The following RTF1 variants were observed in gnomAD, a reference collection of about 807,000 sequenced individuals.
RTF1 encodes RNA polymerase-associated protein RTF1 homolog.
Under a neutral mutation model 95.7 loss-of-function variants are expected in RTF1, and 10 were observed. The ratio of observed to expected loss-of-function variants is 0.10; its 90% CI spans 0.06 to 0.18. The LOEUF (loss-of-function observed/expected upper bound fraction) is 0.18. RTF1 is among the 10% of genes least tolerant of loss of function. The pLI is 1.00. For missense variants in RTF1, 458 were observed against 875.6 expected, an observed-to-expected ratio of 0.52 and a Z score of 6.02; for synonymous variants, 305 against 311.8, an observed-to-expected ratio of 0.98 and a Z score of 0.23.
At chr15:41,445,209 A>G (rs1413291514) in intron 2 of RTF1, among the ~76,000 whole-genome samples, 10 of 152,326 alleles carry the variant, frequency 6.6e-5, no homozygotes. Context: ...TGCTGGGATT[A>G]CAGGCGTGAG....
chr15:41,435,304 TAGTATATTAGAAA>T (rs2050696265), intron 1 of RTF1, among the ~76,000 whole-genome samples: 2 of 152,066 alleles, frequency 1.3e-5, no homozygotes, highest in South Asian at 2.1e-4. Context: ...CTATATGTGT[TAGTATATTAGAAA>T]AGTATATTAG....
Position 41,478,535 on chromosome 15 carries a change from C to T in RTF1, c.1741-13C>T. ...TGGAGGTGCAGTTCTGTGGTGCATG[C>T]TTTCTGTTTCAGGCTGAAAGTCACA... On this transcript the variant is annotated splice_polypyrimidine_tract_variant and intron_variant, in intron 14 of 17. Transcript: ENST00000389629. 1 of 1,610,994 alleles carries T rather than the reference C, an allele frequency of 6.2e-7. No individual in the cohort carries two copies. Among genetic ancestry groups the T allele is most frequent in the Non-Finnish European group, 8.5e-7 (1 of 1,178,764 alleles).
chr15:41,447,642 G>T (rs1008112225), intron 2 of RTF1, among the ~76,000 whole-genome samples: 13 of 152,156 alleles, frequency 8.5e-5, no homozygotes, highest in African/African-American at 2.9e-4. Context: ...TTGCATACAT[G>T]TACACCTAGG....
Position 41,475,743 on chromosome 15 carries a change from T to C in RTF1, c.1406T>C (p.Leu469Pro). The change falls in exon 11 of 18, where the codon CTA becomes CCA. Residue 469 changes from leucine to proline, a missense_variant. By Grantham distance (98) the Leu-to-Pro change is moderately conservative (BLOSUM62 -3). Transcript: ENST00000389629. ...TCTGCTGGCATGCAGTTGCCCACTC[T>C]AGATGAAATCAATAAAAAGGAATTA... ...MFSAGMQLPTLDEINKKELSI... is the reference protein window; with the variant it reads ...MFSAGMQLPTPDEINKKELSI... 6.2e-7 allele frequency: 1 copy of C among 1,610,048 alleles called. No individual in the cohort carries two copies. The highest frequency in any genetic ancestry group is 8.5e-7 in the Non-Finnish European group (1 of 1,176,640).
chr15:41,432,966 A>G (rs2050682966), intron 1 of RTF1, among the ~76,000 whole-genome samples: 1 of 148,930 alleles, frequency 6.7e-6, no homozygotes, highest in African/African-American at 2.5e-5. Flanking sequence ...AAACAGGCAT[A>G]CTGAGGTCGG....
intron 8 of RTF1, among the ~76,000 whole-genome samples, chr15:41,473,922 G>A (rs747464651): frequency 6.6e-5 from 10 of 151,962 alleles, no homozygotes; most frequent in South Asian, 2.1e-4. Flanking sequence ...CTGTAGTCCC[G>A]GCTACTTGGG....
intron 3 of RTF1, among the ~76,000 whole-genome samples, chr15:41,453,855 AT>A (rs1460162071): frequency 6.6e-6 from 1 of 152,330 alleles, no homozygotes; most frequent in African/African-American, 2.4e-5. Flanking sequence ...ATTTTTAAAA[AT>A]AATGTTTACA....
intron 5 of RTF1, among the ~76,000 whole-genome samples, chr15:41,465,374 C>T (rs2050875620): frequency 6.6e-6 from 1 of 152,168 alleles, no homozygotes; most frequent in Admixed American, 6.5e-5. Flanking sequence ...ACTGCAGTGA[C>T]TCACATGTGT....
Position 41,446,557 on chromosome 15 carries a change from C to CA in RTF1, c.310-6332dup, listed in dbSNP as rs934068146. Among the ~76,000 whole-genome samples, 147 of 128,884 alleles carry CA rather than the reference C, an allele frequency of 1.1e-3. No individual in the cohort carries two copies. In the East Asian group the frequency reaches 0.021, roughly 19 times the overall value. The allele number at this position is 128,884 out of a possible 152,430, so 84.6% of individuals were successfully genotyped here. On this transcript the variant is annotated intron_variant, in intron 2 of 17. Coordinates refer to ENST00000389629, the MANE Select transcript of RTF1 (RefSeq NM_015138.5). The stretch of plus-strand genomic sequence containing the variant: ...TGGGCAACAGAGCAAGACTCCGTCT[C>CA]AAAAAAAAAAAATTATTTTCATAAA...
At position 41,481,312 on chromosome 15, in the gene RTF1, T is replaced by A. The variant is rs1427717679; in HGVS notation, c.*625T>A. 2 of 152,666 alleles carry A rather than the reference T, an allele frequency of 1.3e-5. No individual in the cohort carries two copies. Among genetic ancestry groups the A allele is most frequent in the East Asian group, 1.9e-4 (1 of 5,196 alleles). 9.5% of individuals were successfully genotyped at this position (152,666 alleles called of 1,614,324 possible). On this transcript the variant is annotated 3_prime_UTR_variant, in exon 18 of 18. Coordinates refer to ENST00000389629, the MANE Select transcript of RTF1 (RefSeq NM_015138.5). ...GTGTGTGTAAGTGTGTGGATTTTTT[T>A]ATCATTTTTTTAAAATGCAGTACTC...
intron 1 of RTF1, among the ~76,000 whole-genome samples, chr15:41,426,328 TAG>T (rs1358415058): frequency 4.0e-5 from 6 of 151,120 alleles, no homozygotes; most frequent in African/African-American, 1.2e-4. Context: ...TTTTTTGGGA[TAG>T]AGTCTCGCTC....
chr15:41,431,463 C>T (rs1418692017), intron 1 of RTF1, among the ~76,000 whole-genome samples: 1 of 152,238 alleles, frequency 6.6e-6, no homozygotes, highest in African/African-American at 2.4e-5. Context: ...GATCCACCTG[C>T]CTCGGCCTCC....
intron 1 of RTF1, among the ~76,000 whole-genome samples, chr15:41,429,812 C>T (rs1449683664): frequency 6.6e-6 from 1 of 151,918 alleles, no homozygotes; most frequent in African/African-American, 2.4e-5. Flanking sequence ...TCTAACCACC[C>T]TACTGCAGAT....
intron 2 of RTF1, among the ~76,000 whole-genome samples, chr15:41,445,682 C>T (rs1398174947): frequency 1.3e-5 from 2 of 151,556 alleles, no homozygotes; most frequent in East Asian, 1.9e-4. Flanking sequence ...TTTACTGCCT[C>T]CTGTCAGTTG....
At chr15:41,478,439 A>AG in intron 14 of RTF1, 109 bp from the exon 15 acceptor site, 1 of 758,304 alleles carries the variant, frequency 1.3e-6, no homozygotes. Flanking sequence ...AAAGGATAAT[A>AG]GCTTTTTTTT....
intron 3 of RTF1, among the ~76,000 whole-genome samples, chr15:41,455,995 G>A (rs574426976): frequency 4.1e-4 from 63 of 152,072 alleles, no homozygotes; most frequent in African/African-American, 1.4e-3. Context: ...GGGATCACCT[G>A]AGGTCAGGAG....
chr15:41,475,963 A>G (rs1296466356), intron 11 of RTF1, 144 bp downstream of exon 11: 2 of 589,700 alleles, frequency 3.4e-6, no homozygotes, highest in African/African-American at 3.7e-5. Flanking sequence ...CTGATTATTT[A>G]TAGTTCATCA....
intron 5 of RTF1, among the ~76,000 whole-genome samples, chr15:41,465,360 C>G (rs1360241285): frequency 1.3e-5 from 2 of 152,208 alleles, no homozygotes; most frequent in African/African-American, 4.8e-5. Flanking sequence ...AAAAGCAGCC[C>G]TCAACTGCAG....
chr15:41,477,832 G>A (rs555614353), intron 14 of RTF1, among the ~76,000 whole-genome samples: 6 of 152,226 alleles, frequency 3.9e-5, no homozygotes, highest in Non-Finnish European at 7.4e-5. Flanking sequence ...TATGCCGGGC[G>A]CGGTGTCTCA....
Sources: gnomAD v4.1 joint callset for allele counts (sites outside exome capture counted in the v4.1 genomes callset) on GRCh38, gnomAD v4.1.1 for gene constraint, MANE v1.5 for transcripts, NCBI Gene and HGNC (gene_info 2026-07-23, HGNC 2026-07-21) for gene names.